The following FBLN7 variants were observed in gnomAD, a reference collection of about 807,000 sequenced individuals.
FBLN7 encodes the protein fibulin 7.
FBLN7 carries 31 observed loss-of-function variants against 44.0 expected under a neutral mutation model. That is an observed-to-expected ratio of 0.70 (90% CI 0.53 to 0.95). The LOEUF (loss-of-function observed/expected upper bound fraction) is 0.95. Ranked by LOEUF, FBLN7 falls within the 40% of genes least tolerant of loss-of-function variation. The pLI is 0.00. For synonymous variants in FBLN7, 262 were observed against 253.4 expected, an observed-to-expected ratio of 1.03 and a Z score of -0.32; for missense variants, 573 against 618.5, an observed-to-expected ratio of 0.93 and a Z score of 0.78.
chr2:112,186,998 T>C (rs1203394083), intron 7 of FBLN7, 136 bp from the exon 8 acceptor site: 1 of 1,035,924 alleles, frequency 9.7e-7, no homozygotes, highest in African/African-American at 1.6e-5. Context: ...GCTCCATAGC[T>C]CCTGGGTGAA....
chr2:112,184,705 A>ATATGGTATATATATGG (rs1683165583), intron 6 of FBLN7, among the ~76,000 whole-genome samples: 2 of 36,816 alleles, frequency 5.4e-5, no homozygotes, highest in Non-Finnish European at 1.0e-4. Context: ...TATATATATG[A>ATATGGTATATATATGG]ATATGGTATA....
the FBLN7 span, among the ~76,000 whole-genome samples, chr2:112,241,019 G>C: frequency 1.3e-5 from 2 of 151,496 alleles, no homozygotes; most frequent in African/African-American, 4.9e-5. Flanking sequence ...TTGTGTGTGT[G>C]TGTGTGTGTG....
At chr2:112,175,217 TG>T (rs1682678792) in intron 3 of FBLN7, among the ~76,000 whole-genome samples, 1 of 152,224 alleles carries the variant, frequency 6.6e-6, no homozygotes, top group South Asian at 2.1e-4. Flanking sequence ...GACATTCCAG[TG>T]GGCCATCCCT....
intron 4 of FBLN7, among the ~76,000 whole-genome samples, chr2:112,180,265 A>G (rs1320948460): frequency 6.6e-6 from 1 of 152,246 alleles, no homozygotes; most frequent in Non-Finnish European, 1.5e-5. Flanking sequence ...GATTAAAGAA[A>G]TGCAAATCAA....
chr2:112,192,856 A>G (rs779114898), downstream of FBLN7, among the ~76,000 whole-genome samples: 11 of 152,242 alleles, frequency 7.2e-5, no homozygotes, highest in Non-Finnish European at 1.6e-4. Context: ...AGTGCGTTCC[A>G]GGCACTGTTC....
chr2:112,182,452 C>A (rs1267214473), intron 5 of FBLN7, among the ~76,000 whole-genome samples: 1 of 152,230 alleles, frequency 6.6e-6, no homozygotes, highest in Non-Finnish European at 1.5e-5. Flanking sequence ...GCTGTTAACC[C>A]ATCCCTACTT....
At chr2:112,171,375 C>T (rs185031607) in intron 3 of FBLN7, among the ~76,000 whole-genome samples, 64 of 151,934 alleles carry the variant, frequency 4.2e-4, no homozygotes, top group African/African-American at 8.4e-4. Flanking sequence ...AGGCAGACTT[C>T]GGGGAGGCTG....
chr2:112,212,272 A>C, the FBLN7 span: 1 of 152,248 alleles, frequency 6.6e-6, no homozygotes, highest in Non-Finnish European at 1.5e-5. Context: ...CATCTCCCAA[A>C]GGCCCTACCT....
the FBLN7 span, among the ~76,000 whole-genome samples, chr2:112,234,563 G>C: frequency 6.6e-6 from 1 of 152,230 alleles, no homozygotes; most frequent in Non-Finnish European, 1.5e-5. Context: ...CACTTTGGGA[G>C]GCTGAGGCGG....
chr2:112,190,832 G>A (rs1683463450), downstream of FBLN7, among the ~76,000 whole-genome samples: 3 of 152,168 alleles, frequency 2.0e-5, no homozygotes, highest in Non-Finnish European at 2.9e-5. Flanking sequence ...AGTGCTCATT[G>A]GTAGTGGTTA....
chr2:112,155,099 A>G (rs554174935), intron 1 of FBLN7, among the ~76,000 whole-genome samples: 2 of 152,282 alleles, frequency 1.3e-5, no homozygotes, highest in South Asian at 4.1e-4. Context: ...TGTATTTTGA[A>G]TTGTTTTGCA....
chr2:112,194,451 G>A, the FBLN7 span, among the ~76,000 whole-genome samples: 1 of 152,124 alleles, frequency 6.6e-6, no homozygotes, highest in African/African-American at 2.4e-5. Context: ...TCTGAGCCAG[G>A]TGGCCTCAGA....
Position 112,187,834 on chromosome 2 carries a change from G to T in FBLN7, c.*328G>T. On this transcript the variant is annotated 3_prime_UTR_variant, in exon 8 of 8. Coordinates refer to ENST00000331203, the MANE Select transcript of FBLN7 (RefSeq NM_153214.3). The surrounding 1 kb of genome is among the most constrained non-coding windows in gnomAD (Gnocchi z 5.1). ...ATGGCCTTGTGAGTTTGAACTAGCT[G>T]GGGAGAGAAAAGGTGGCAATGTGTG... 1 of 457,194 alleles carries T rather than the reference G, an allele frequency of 2.2e-6. No homozygotes were observed. Among genetic ancestry groups the T allele is most frequent in the Non-Finnish European group, 3.8e-6 (1 of 259,918 alleles). 28.3% of individuals were successfully genotyped at this position (457,194 alleles called of 1,614,324 possible).
At chr2:112,170,069 C>T (rs866381119) in intron 3 of FBLN7, among the ~76,000 whole-genome samples, 2 of 151,832 alleles carry the variant, frequency 1.3e-5, no homozygotes, top group Non-Finnish European at 2.9e-5. Context: ...GGTGAAACCC[C>T]GTCTCTAATA....
intron 3 of FBLN7, among the ~76,000 whole-genome samples, chr2:112,165,821 C>T (rs944596395): frequency 2.0e-5 from 3 of 152,180 alleles, no homozygotes; most frequent in African/African-American, 7.2e-5. Context: ...AAAAACAGCA[C>T]TTTTTTGATA....
At position 112,160,724 on chromosome 2, in the gene FBLN7, ACACG is replaced by A. The variant is rs1681750900; in HGVS notation, c.235+897_235+900del. Reference sequence around the variant, plus strand: ...CGCACGCACACACACAAGCACGCGCACACGCACGCACACGCACACACGCGCACGC... The same window carrying A: ...CGCACGCACACACACAAGCACGCGCACACGCACACGCACACACGCGCACGC... On this transcript the variant is annotated intron_variant, in intron 2 of 7. Transcript: ENST00000331203. Among the ~76,000 whole-genome samples, 5 of 136,906 alleles carry A rather than the reference ACACG, an allele frequency of 3.7e-5. No homozygotes were observed. The East Asian group carries it at 6.5e-4, about 18-fold the overall frequency. 89.8% of individuals were successfully genotyped at this position (136,906 alleles called of 152,430 possible).
rs536860888 is a variant in FBLN7 at position 112,160,515 on chromosome 2, G to C, written c.235+680G>C. 9.5e-4 allele frequency among the ~76,000 whole-genome samples: 144 copies of C among 152,262 alleles called. 1 individual carries two copies. The highest frequency in any genetic ancestry group is 1.2e-3 in the Non-Finnish European group (82 of 68,020). On this transcript the variant is annotated intron_variant, in intron 2 of 7. Coordinates refer to ENST00000331203, the MANE Select transcript of FBLN7 (RefSeq NM_153214.3). ...CTTTTCCCTTCCCCGTCCACAAGTT[G>C]GATCCAGTTTTGGTTTTGTTTTCAT... is the stretch of plus-strand genomic sequence containing the variant.
chr2:112,139,165 C>A (rs577032467), intron 1 of FBLN7, among the ~76,000 whole-genome samples: 1 of 75,060 alleles, frequency 1.3e-5, no homozygotes. Context: ...AGTGTCCCTC[C>A]CGCCTCTCTC....
chr2:112,139,319 C>T (rs1243439062), intron 1 of FBLN7, among the ~76,000 whole-genome samples: 2 of 908 alleles, frequency 2.2e-3, no homozygotes, highest in Non-Finnish European at 4.9e-3. Flanking sequence ...TCCAGGCCAG[C>T]GTCCCTCCCG....
Sources: gnomAD v4.1 joint callset for allele counts (sites outside exome capture counted in the v4.1 genomes callset) on GRCh38, gnomAD v4.1.1 for gene constraint, Gnocchi (gnomAD v3.1) non-coding constraint, MANE v1.5 for transcripts, NCBI Gene and HGNC (gene_info 2026-07-23, HGNC 2026-07-21) for gene names.